Variants in POLN observed in about 807,000 individuals in gnomAD.
POLN encodes the protein DNA polymerase nu.
A neutral mutation model predicts 113.5 loss-of-function variants in POLN; 108 were observed. The ratio of observed to expected loss-of-function variants is 0.95; its 90% CI spans 0.81 to 1.12. POLN has a LOEUF of 1.12. Ranked by LOEUF, POLN falls within the 50% of genes most tolerant of loss-of-function variation. The pLI, the probability that POLN is intolerant of heterozygous loss-of-function variation, is 0.00. For missense variants in POLN, 1,097 were observed against 1,077.1 expected (o/e 1.02, Z -0.26); for synonymous variants, 386 against 391.5 (o/e 0.99, Z 0.17).
At chr4:2,119,455 G>A (rs762111263) in intron 19 of POLN, among the ~76,000 whole-genome samples, 4 of 152,070 alleles carry the variant, frequency 2.6e-5, no homozygotes, top group Non-Finnish European at 5.9e-5. Context: ...TGGAGCTGCA[G>A]TAATCAGCTC....
chr4:2,086,161 G>A (rs1730544526), intron 20 of POLN, among the ~76,000 whole-genome samples: 1 of 152,162 alleles, frequency 6.6e-6, no homozygotes, highest in Non-Finnish European at 1.5e-5. Context: ...GTGTTCTTGC[G>A]ACGCTGCTGG....
chr4:2,097,012 C>A (rs897518769), intron 19 of POLN, among the ~76,000 whole-genome samples: 5 of 152,346 alleles, frequency 3.3e-5, no homozygotes, highest in African/African-American at 9.6e-5. Context: ...AAGCATCTCT[C>A]TCCTCAGTTT....
In POLN at chr4:2,149,524, T is replaced by C. The variant is rs553625361; in HGVS notation, c.1731+7264A>G. ...GAGGGCATTGGAAACAGTAACTACA[T>C]GGGTAGATAGGATTTTTCTTATTAT... On this transcript the variant is annotated intron_variant, in intron 16 of 25. Transcript: ENST00000511885. 6.6e-5 allele frequency among the ~76,000 whole-genome samples: 10 copies of C among 152,162 alleles called. No homozygotes were observed. In the South Asian group the frequency reaches 1.7e-3, roughly 25 times the overall value.
At chr4:2,192,175 T>C (rs985710167) in intron 7 of POLN, among the ~76,000 whole-genome samples, 7 of 151,652 alleles carry the variant, frequency 4.6e-5, no homozygotes, top group Non-Finnish European at 1.0e-4. Context: ...GGGTGATGCC[T>C]ACTTTTGTAT....
intron 20 of POLN, among the ~76,000 whole-genome samples, chr4:2,088,430 C>T (rs1730597491): frequency 6.6e-6 from 1 of 152,080 alleles, no homozygotes; most frequent in African/African-American, 2.4e-5. Context: ...TTGAATGCTT[C>T]AAACAAAAAT....
At chr4:2,240,591 C>T (rs1734946724) in intron 2 of POLN, 2 of 1,612,446 alleles carry the variant, frequency 1.2e-6, no homozygotes, top group African/African-American at 1.3e-5. Context: ...TTTATTACGT[C>T]GCTGAATTTT....
intron 20 of POLN, among the ~76,000 whole-genome samples, chr4:2,087,794 G>A (rs556889942): frequency 9.2e-5 from 14 of 152,016 alleles, no homozygotes; most frequent in South Asian, 8.3e-4. Context: ...CATGATATAC[G>A]TAGAGTTTTA....
chr4:2,075,345 T>C, intron 24 of POLN, 107 bp downstream of exon 24: 1 of 1,210,810 alleles, frequency 8.3e-7, no homozygotes, highest in East Asian at 2.5e-5. Flanking sequence ...GCAGGGGCCA[T>C]AAAAGGGAAG....
intron 2 of POLN, among the ~76,000 whole-genome samples, chr4:2,238,068 G>A (rs999109489): frequency 6.6e-6 from 1 of 152,132 alleles, no homozygotes; most frequent in East Asian, 1.9e-4. Flanking sequence ...TGAGGAGTAG[G>A]AGACAGATTT....
At chr4:2,173,623 T>C (rs183770194) in intron 11 of POLN, among the ~76,000 whole-genome samples, 173 of 152,278 alleles carry the variant, frequency 1.1e-3, no homozygotes, top group African/African-American at 3.8e-3. Flanking sequence ...TTTTCATGCA[T>C]CTTTACACAT....
intron 16 of POLN, among the ~76,000 whole-genome samples, chr4:2,141,630 C>T (rs1205952840): frequency 6.6e-6 from 1 of 152,220 alleles, no homozygotes; most frequent in Non-Finnish European, 1.5e-5. Context: ...TCTGGCGACA[C>T]TGTTACCTCC....
chr4:2,220,791 T>C (rs1560098439), intron 3 of POLN, among the ~76,000 whole-genome samples: 1 of 152,214 alleles, frequency 6.6e-6, no homozygotes, highest in Admixed American at 6.5e-5. Context: ...GGTTATTTTG[T>C]GACTTAATGA....
At chr4:2,095,639 C>T (rs1022947798) in intron 20 of POLN, among the ~76,000 whole-genome samples, 19 of 152,216 alleles carry the variant, frequency 1.2e-4, no homozygotes, top group African/African-American at 3.1e-4. Flanking sequence ...TGCCCAGCTC[C>T]GCGGCCTCCC....
rs35000520 is a variant in POLN, at chr4:2,159,684, G to A, written c.1555-473C>T. Among the ~76,000 whole-genome samples, 741 of 152,266 alleles carry A rather than the reference G, an allele frequency of 4.9e-3. 8 individuals carry two copies. The highest frequency in any genetic ancestry group is 0.017 in the African/African-American group (701 of 41,562). On this transcript the variant is annotated intron_variant, in intron 13 of 25. Transcript: ENST00000511885. ...TTGTTAACCACCACCCACAGCGAGC[G>A]ACGAAACATTCCAATCTCCCCAGTA...
At chr4:2,108,338 C>G (rs1731117528) in intron 19 of POLN, among the ~76,000 whole-genome samples, 1 of 152,040 alleles carries the variant, frequency 6.6e-6, no homozygotes, top group Admixed American at 6.6e-5. Flanking sequence ...CCTCAGTTTC[C>G]TAATCCATAA....
At chr4:2,200,930 A>G (rs1056092981) in intron 5 of POLN, among the ~76,000 whole-genome samples, 2 of 152,158 alleles carry the variant, frequency 1.3e-5, no homozygotes, top group Non-Finnish European at 2.9e-5. Flanking sequence ...GAGTCACCAG[A>G]GAAAGGCAAA....
intron 7 of POLN, among the ~76,000 whole-genome samples, chr4:2,186,802 C>G (rs1453560635): frequency 6.6e-6 from 1 of 152,110 alleles, no homozygotes; most frequent in South Asian, 2.1e-4. Flanking sequence ...AACAGGATGG[C>G]GACAGTGAAG....
chr4:2,209,853 G>C (rs942970191), intron 4 of POLN, among the ~76,000 whole-genome samples: 1 of 150,150 alleles, frequency 6.7e-6, no homozygotes, highest in Non-Finnish European at 1.5e-5. Context: ...GTAGAGATGG[G>C]GTTTCACCAT....
intron 2 of POLN, chr4:2,238,852 T>C (rs767264100): frequency 3.7e-5 from 59 of 1,613,214 alleles, no homozygotes; most frequent in South Asian, 1.6e-4. Flanking sequence ...CTTGTCTTGC[T>C]GTATAATAAT....
Sources: allele counts gnomAD v4.1 joint callset (sites outside exome capture counted in the v4.1 genomes callset), GRCh38; gene constraint gnomAD v4.1.1; transcripts MANE v1.5; gene names NCBI Gene and HGNC (gene_info 2026-07-23, HGNC 2026-07-21).